The following TSPAN7 variants were observed in gnomAD, a reference collection of about 807,000 sequenced individuals.
TSPAN7 encodes tetraspanin-7.
Under a neutral mutation model 17.6 loss-of-function variants are expected in TSPAN7, and 1 was observed. That is an observed-to-expected ratio of 0.06 (90% confidence interval 0.02 to 0.27). The LOEUF is 0.27. Ranked by LOEUF, TSPAN7 falls within the 10% of genes least tolerant of loss-of-function variation. TSPAN7 has a pLI of 1.00. For synonymous variants in TSPAN7, 78 were observed against 79.0 expected (o/e 0.99, Z 0.07); for missense variants, 112 against 201.7 (o/e 0.56, Z 2.69).
chrX:38,586,783 C>G (rs1022936379), intron 1 of TSPAN7, among the ~76,000 whole-genome samples: 11 of 111,804 alleles, frequency 9.8e-5, no homozygotes, highest in African/African-American at 3.6e-4. Context: ...AATGATGACT[C>G]CTGGAAAAAT....
intron 1 of TSPAN7, among the ~76,000 whole-genome samples, chrX:38,607,862 GAA>G (rs75062367): frequency 8.4e-5 from 7 of 83,344 alleles, no homozygotes; most frequent in African/African-American, 1.3e-4. Flanking sequence ...TAGCCTTGAG[GAA>G]AAAAAAAAAA....
At chrX:38,609,746 G>A (rs1410707612) in intron 1 of TSPAN7, among the ~76,000 whole-genome samples, 2 of 109,586 alleles carry the variant, frequency 1.8e-5, no homozygotes, top group African/African-American at 6.6e-5. Context: ...TTCTAGGTGA[G>A]ACAGTTACAT....
intron 6 of TSPAN7, among the ~76,000 whole-genome samples, chrX:38,685,145 G>A (rs1001778522): frequency 1.8e-5 from 2 of 111,419 alleles, no homozygotes; most frequent in African/African-American, 3.3e-5. Context: ...GAGAAGACCT[G>A]TTTACCTTTT....
chrX:38,668,932 A>AT (rs1283829919), intron 2 of TSPAN7, among the ~76,000 whole-genome samples: 3 of 90,672 alleles, frequency 3.3e-5, no homozygotes, highest in Admixed American at 1.5e-4. Context: ...CCTCATCAGC[A>AT]TTTATTTTTT....
chrX:38,659,783 C>T (rs1230046897), intron 1 of TSPAN7, among the ~76,000 whole-genome samples: 1 of 107,019 alleles, frequency 9.3e-6, no homozygotes, highest in Non-Finnish European at 1.9e-5. Context: ...AGGCGTGAGC[C>T]ACCACATTCA....
intron 5 of TSPAN7, among the ~76,000 whole-genome samples, 185 bp downstream of exon 5, chrX:38,676,045 G>A (rs2069851985): frequency 8.9e-6 from 1 of 111,857 alleles, no homozygotes; most frequent in Non-Finnish European, 1.9e-5. Flanking sequence ...AGAAAGCTGT[G>A]ACTCAGATCA....
At chrX:38,645,435 G>T (rs754476496) in intron 1 of TSPAN7, among the ~76,000 whole-genome samples, 4 of 112,171 alleles carry the variant, frequency 3.6e-5, no homozygotes, top group Admixed American at 1.9e-4. Flanking sequence ...TGCACCTGTA[G>T]TCCCAGCTAC....
intron 1 of TSPAN7, among the ~76,000 whole-genome samples, chrX:38,632,345 T>A (rs927402948): frequency 8.0e-5 from 9 of 112,142 alleles, no homozygotes; most frequent in Non-Finnish European, 1.7e-4. Context: ...ATCAGTGGCT[T>A]TTTACCCTTT....
At chrX:38,584,515 A>G (rs2069247420) in intron 1 of TSPAN7, among the ~76,000 whole-genome samples, 1 of 111,285 alleles carries the variant, frequency 9.0e-6, no homozygotes, top group Non-Finnish European at 1.9e-5. Context: ...CTCTTATCCA[A>G]ATTGATCTCT....
intron 5 of TSPAN7, 143 bp downstream of exon 5, chrX:38,676,003 G>T: frequency 1.3e-6 from 1 of 753,789 alleles, no homozygotes; most frequent in Admixed American, 2.7e-5. Context: ...GATTGCCTGG[G>T]AGAGGCACTT....
chrX:38,586,703 A>G (rs2147403317), intron 1 of TSPAN7, among the ~76,000 whole-genome samples: 1 of 112,257 alleles, frequency 8.9e-6, no homozygotes, highest in Admixed American at 9.5e-5. Context: ...CAAATGACCA[A>G]TTTATGAAGT....
chrX:38,671,150 C>T (rs923640122), intron 2 of TSPAN7, among the ~76,000 whole-genome samples: 2 of 112,127 alleles, frequency 1.8e-5, no homozygotes, highest in Non-Finnish European at 3.8e-5. Flanking sequence ...AGTGAATTCT[C>T]CCCAGCCTGT....
intron 5 of TSPAN7, among the ~76,000 whole-genome samples, chrX:38,680,710 C>T (rs773380783): frequency 9.9e-5 from 11 of 111,003 alleles, no homozygotes; most frequent in East Asian, 2.8e-4. Flanking sequence ...CAGATGATTT[C>T]GGTTTGTTTA....
intron 1 of TSPAN7, among the ~76,000 whole-genome samples, chrX:38,631,096 T>C (rs777012895): frequency 8.9e-6 from 1 of 111,872 alleles, no homozygotes; most frequent in Non-Finnish European, 1.9e-5. Flanking sequence ...TTTTGAAAAC[T>C]CCAAACATGA....
intron 1 of TSPAN7, among the ~76,000 whole-genome samples, chrX:38,572,705 A>G (rs1417044713): frequency 2.0e-4 from 22 of 111,008 alleles, no homozygotes; most frequent in Non-Finnish European, 1.9e-5. Flanking sequence ...CCAAAGGTAG[A>G]CCCCTTTGGG....
At chrX:38,670,343 G>C (rs1054390827) in intron 2 of TSPAN7, among the ~76,000 whole-genome samples, 1 of 111,842 alleles carries the variant, frequency 8.9e-6, no homozygotes, top group Non-Finnish European at 1.9e-5. Context: ...GCCTTTCAAA[G>C]TTATCCTTAA....
At chrX:38,604,511 T>C (rs1051947718) in intron 1 of TSPAN7, among the ~76,000 whole-genome samples, 6 of 110,984 alleles carry the variant, frequency 5.4e-5, no homozygotes, top group African/African-American at 2.0e-4. Context: ...TGTTCCTATT[T>C]CTCCACATCC....
intron 1 of TSPAN7, among the ~76,000 whole-genome samples, chrX:38,562,574 G>GGGA (rs1353903213): frequency 2.9e-5 from 3 of 102,972 alleles, no homozygotes; most frequent in Non-Finnish European, 4.0e-5. Flanking sequence ...GAGGAGGAGG[G>GGGA]GGAGGAGGAG....
At chrX:38,585,872 G>A (rs1409197182) in intron 1 of TSPAN7, among the ~76,000 whole-genome samples, 2 of 112,525 alleles carry the variant, frequency 1.8e-5, no homozygotes, top group African/African-American at 6.5e-5. Context: ...GCTCCCCACT[G>A]CCTTCCACCA....
Sources: allele counts gnomAD v4.1 joint callset (sites outside exome capture counted in the v4.1 genomes callset), GRCh38; gene constraint gnomAD v4.1.1; transcripts MANE v1.5; gene names NCBI Gene and HGNC (gene_info 2026-07-23, HGNC 2026-07-21).